The following EXOC3L2 variants were observed in gnomAD, a reference collection of about 807,000 sequenced individuals.
EXOC3L2 encodes exocyst complex component 3-like protein 2.
Under a neutral mutation model 44.4 loss-of-function variants are expected in EXOC3L2, and 17 were observed. The observed-to-expected ratio is 0.38, with a 90% CI of 0.26 to 0.57. The LOEUF (loss-of-function observed/expected upper bound fraction) is 0.57. Among genes scored for constraint, EXOC3L2 ranks in the 20% least tolerant of loss-of-function variants. EXOC3L2 has a pLI of 0.65. For missense variants in EXOC3L2, 541 were observed against 588.4 expected, an observed-to-expected ratio of 0.92 and a Z score of 0.83; for synonymous variants, 256 against 253.7, an observed-to-expected ratio of 1.01 and a Z score of -0.09.
intron 8 of EXOC3L2, among the ~76,000 whole-genome samples, chr19:45,221,989 G>A (rs80074203): frequency 3.3e-5 from 5 of 151,318 alleles, no homozygotes; most frequent in Non-Finnish European, 7.4e-5. Flanking sequence ...AGCAAGGCAT[G>A]AGGGAACCCA....
At chr19:45,237,699 C>T (rs1361509198) in intron 2 of EXOC3L2, among the ~76,000 whole-genome samples, 1 of 151,644 alleles carries the variant, frequency 6.6e-6, no homozygotes, top group Non-Finnish European at 1.5e-5. Flanking sequence ...GATTGAATTA[C>T]GTCCCCCCAG....
rs190503068 is a variant in EXOC3L2 at position 45,240,328 on chromosome 19, G to A, written c.-16-1267C>T. 9.6e-4 allele frequency among the ~76,000 whole-genome samples: 146 copies of A among 151,642 alleles called. 1 individual carries two copies. Among genetic ancestry groups the A allele is most frequent in the African/African-American group, 3.5e-3 (144 of 41,338 alleles). On this transcript the variant is annotated intron_variant, in intron 1 of 11. Coordinates refer to ENST00000413988, the MANE Select transcript of EXOC3L2 (RefSeq NM_001382422.1). ...AGACAGGGTCTTGCTATGTTGCCCA[G>A]GCTGGTCTCAAACTCCTGGCCTCAA...
intron 3 of EXOC3L2, among the ~76,000 whole-genome samples, chr19:45,233,553 CGTAA>C (rs1017271823): frequency 2.6e-5 from 4 of 151,974 alleles, no homozygotes; most frequent in Non-Finnish European, 4.4e-5. Flanking sequence ...ATTCTAGTAG[CGTAA>C]GTGTCATGAA....
At chr19:45,244,208 A>C (rs1237045849) in intron 1 of EXOC3L2, among the ~76,000 whole-genome samples, 2 of 152,120 alleles carry the variant, frequency 1.3e-5, no homozygotes, top group Non-Finnish European at 2.9e-5. Context: ...GTCATGAGCC[A>C]CCACACCCAG....
chr19:45,222,201 C>CTCTCTCCTT (rs1969905399), intron 8 of EXOC3L2, among the ~76,000 whole-genome samples: 1 of 137,206 alleles, frequency 7.3e-6, no homozygotes, highest in African/African-American at 2.7e-5. Context: ...TTTTTCTCTC[C>CTCTCTCCTT]TTTTTTTTTT....
intron 4 of EXOC3L2, among the ~76,000 whole-genome samples, chr19:45,230,650 A>G (rs775523760): frequency 5.9e-5 from 9 of 152,078 alleles, no homozygotes; most frequent in Non-Finnish European, 1.3e-4. Context: ...CGCCCGGCCA[A>G]GGGTCTATGT....
chr19:45,233,433 T>C (rs928842255), intron 3 of EXOC3L2, among the ~76,000 whole-genome samples: 2 of 152,166 alleles, frequency 1.3e-5, no homozygotes, highest in African/African-American at 4.8e-5. Flanking sequence ...TGTAGGATTC[T>C]AGAATTCTAA....
In EXOC3L2 at chr19:45,213,311, T is replaced by G. The variant is rs1599758792; in HGVS notation, c.2167A>C (p.Thr723Pro). The G allele has an allele frequency of 1.9e-6, 3 of 1,613,698 alleles. No homozygotes were observed. The highest frequency in any genetic ancestry group is 2.5e-6 in the Non-Finnish European group (3 of 1,179,858). Residue 723 changes from threonine (T) to proline (P), a missense_variant, in exon 12 of 12, where the codon ACA becomes CCA. By Grantham distance (38) the Thr-to-Pro change is conservative (BLOSUM62 -1). Transcript: ENST00000413988. Reference sequence around the variant, plus strand: ...GCCAGGATCTCCTGGCGGGCGGCTGTGTTGCGCAGGCCACGGATGTCGAGG... The same window carrying G: ...GCCAGGATCTCCTGGCGGGCGGCTGGGTTGCGCAGGCCACGGATGTCGAGG... ...ALLDIRGLRN[T>P]AARQEILAVA...
chr19:45,227,788 G>A lies in EXOC3L2; in HGVS notation c.1473-16C>T. On this transcript the variant is annotated splice_polypyrimidine_tract_variant and intron_variant, in intron 6 of 11. Coordinates refer to ENST00000413988, the MANE Select transcript of EXOC3L2 (RefSeq NM_001382422.1). ...CTGCTGGAAGCTGGTGGGAGGAAAGGGGACAGATAGGGCGCCACTGGGTCA... is the reference window on the plus strand; with the variant it reads ...CTGCTGGAAGCTGGTGGGAGGAAAGAGGACAGATAGGGCGCCACTGGGTCA... The A allele has an allele frequency of 6.2e-7, 1 of 1,602,238 alleles. No individual in the cohort carries two copies. The highest frequency in any genetic ancestry group is 8.5e-7 in the Non-Finnish European group (1 of 1,174,944).
intron 1 of EXOC3L2, among the ~76,000 whole-genome samples, chr19:45,240,282 A>T (rs76554527): frequency 0.02 from 2,942 of 150,836 alleles, 58 homozygotes; most frequent in East Asian, 0.057. Flanking sequence ...TTAATTAATT[A>T]ATTTATTTAT....
At chr19:45,229,238 T>C (rs1187058810) in intron 4 of EXOC3L2, among the ~76,000 whole-genome samples, 1 of 121,658 alleles carries the variant, frequency 8.2e-6, no homozygotes, top group South Asian at 2.4e-4. Context: ...TATATTTATG[T>C]ATTAAATATA....
chr19:45,214,288 C>T (rs1056813080), intron 11 of EXOC3L2, among the ~76,000 whole-genome samples: 3 of 152,146 alleles, frequency 2.0e-5, no homozygotes, highest in Non-Finnish European at 4.4e-5. Context: ...TCATGCCTCA[C>T]TCCTTGTTTT....
At chr19:45,215,999 C>T (rs1969829633) in intron 11 of EXOC3L2, 74 bp downstream of exon 11, 1 of 1,588,076 alleles carries the variant, frequency 6.3e-7, no homozygotes. Context: ...GCAGGAAGCA[C>T]AGGGACGGAT....
At chr19:45,217,498 A>T (rs769916286) in intron 10 of EXOC3L2, 30 bp downstream of exon 10, 2 of 1,548,674 alleles carry the variant, frequency 1.3e-6, no homozygotes, top group Middle Eastern at 1.7e-4. Context: ...CTGGTTTCTG[A>T]AACACCCCCA....
intron 4 of EXOC3L2, 51 bp from the exon 5 acceptor site, chr19:45,228,317 CTT>C: frequency 6.7e-7 from 1 of 1,501,446 alleles, no homozygotes; most frequent in Non-Finnish European, 9.1e-7. Flanking sequence ...GCCTGGAGGT[CTT>C]TTTTTTTATC....
rs753358808 is a variant in EXOC3L2 at position 45,216,216 on chromosome 19, G to T, written c.1999-22C>A. ...ACTCCTGCAGGGGAGGGAGGGTGCG[G>T]GGTCACACCCTCCCAAGATTGACCC... is the stretch of plus-strand genomic sequence containing the variant. On this transcript the variant is annotated intron_variant, in intron 10 of 11. Transcript: ENST00000413988. 4 of 1,611,982 alleles carry T rather than the reference G, an allele frequency of 2.5e-6. No homozygotes were observed. In the African/African-American group the frequency reaches 5.3e-5, roughly 22 times the overall value.
intron 4 of EXOC3L2, 45 bp downstream of exon 4, chr19:45,231,718 C>T (rs761585265): frequency 9.1e-6 from 14 of 1,530,798 alleles, no homozygotes; most frequent in Middle Eastern, 1.7e-4. Context: ...GTGACCCCCT[C>T]CCTCCACAGC....
rs201048859 is a variant in EXOC3L2 at position 45,213,272 on chromosome 19, G to C, written c.2206C>G (p.Leu736Val). Reference protein sequence around the residue: ...RQEILAVARDLELSEEGALSP... With the variant: ...RQEILAVARDVELSEEGALSP... Reference sequence around the variant, plus strand: ...AGGGCTCCCTCCTCAGAGAGTTCCAGGTCCCGGGCCACGGCCAGGATCTCC... The same window carrying C: ...AGGGCTCCCTCCTCAGAGAGTTCCACGTCCCGGGCCACGGCCAGGATCTCC... Residue 736 changes from leucine to valine, a missense_variant, in exon 12 of 12, where the codon CTG becomes GTG. By Grantham distance (32) the Leu-to-Val change is conservative. Transcript: ENST00000413988. 1.2e-6 allele frequency: 2 copies of C among 1,613,770 alleles called. No homozygotes were observed. The highest frequency in any genetic ancestry group is 1.7e-6 in the Non-Finnish European group (2 of 1,179,854).
rs376659728 is a variant in EXOC3L2 at position 45,213,073 on chromosome 19, C to T, written c.2405G>A (p.Arg802His). ...AGGCCGGCGGTTGGGTGACCCTCAG[C>T]GCTGGGCCCGAGGTCGCGCTAGAGA... The part of the protein sequence containing the change: ...PPSLARPRAQ[R>H] Residue 802 changes from arginine (R) to histidine (H), a missense_variant, in exon 12 of 12, where the codon CGC (arginine) becomes CAC (histidine). Coordinates refer to ENST00000413988, the MANE Select transcript of EXOC3L2 (RefSeq NM_001382422.1). The T allele has an allele frequency of 3.2e-5, 48 of 1,491,740 alleles. No individual in the cohort carries two copies. Among genetic ancestry groups the T allele is most frequent in the East Asian group, 2.1e-4 (9 of 42,366 alleles). The allele number at this position is 1,491,740 out of a possible 1,614,324, so 92.4% of individuals were successfully genotyped here.
Sources: gnomAD v4.1 joint callset for allele counts (sites outside exome capture counted in the v4.1 genomes callset) on GRCh38, gnomAD v4.1.1 for gene constraint, MANE v1.5 for transcripts, NCBI Gene and HGNC (gene_info 2026-07-23, HGNC 2026-07-21) for gene names.